The following VPS54 variants were observed in gnomAD, a reference collection of about 807,000 sequenced individuals.
VPS54 encodes VPS54 subunit of GARP complex.
VPS54 carries 45 observed loss-of-function variants against 121.5 expected under a neutral mutation model. That is an observed-to-expected ratio of 0.37 (90% CI 0.29 to 0.47). The LOEUF is 0.47. VPS54 is among the 20% of genes least tolerant of loss of function. The pLI, the probability that VPS54 is intolerant of heterozygous loss-of-function variation, is 0.99. For synonymous variants in VPS54, 371 were observed against 385.8 expected (o/e 0.96, Z 0.45); for missense variants, 1,090 against 1,131.4 (o/e 0.96, Z 0.52).
At chr2:63,898,534 A>G (rs1471772949) in intron 21 of VPS54, among the ~76,000 whole-genome samples, 1 of 152,112 alleles carries the variant, frequency 6.6e-6, no homozygotes, top group Non-Finnish European at 1.5e-5. Flanking sequence ...AGTTTGAGGT[A>G]GCATAGGAAA....
At chr2:63,923,176 C>T (rs551205072) in intron 12 of VPS54, among the ~76,000 whole-genome samples, 67 of 151,514 alleles carry the variant, frequency 4.4e-4, no homozygotes, top group African/African-American at 1.5e-3. Context: ...ATTAGCCAGG[C>T]GTGGTGGCAG....
intron 11 of VPS54, among the ~76,000 whole-genome samples, chr2:63,939,154 A>T (rs113928563): frequency 1.3e-5 from 2 of 152,254 alleles, no homozygotes; most frequent in African/African-American, 4.8e-5. Flanking sequence ...TGGGTGGATC[A>T]CAAGGTCAGG....
chr2:63,913,879 G>C, intron 17 of VPS54: 6 of 1,124,992 alleles, frequency 5.3e-6, no homozygotes, highest in Non-Finnish European at 6.5e-6. Context: ...CACATTTGAA[G>C]CCAGTCCAGG....
intron 1 of VPS54, among the ~76,000 whole-genome samples, chr2:63,991,164 T>C (rs945483535): frequency 6.6e-6 from 1 of 152,226 alleles, no homozygotes; most frequent in Non-Finnish European, 1.5e-5. Context: ...GTATGAGAGC[T>C]TGGGATAAAT....
intron 1 of VPS54, among the ~76,000 whole-genome samples, chr2:64,006,211 AAATG>A (rs774968445): frequency 1.1e-4 from 17 of 152,394 alleles, no homozygotes; most frequent in Middle Eastern, 3.4e-3. Context: ...ACGAATGAGC[AAATG>A]AATGAATATC....
In VPS54 at chr2:63,899,580, T is replaced by TA; in HGVS notation, c.2626dup (p.Tyr876LeufsTer2). 1 of 1,611,706 alleles carries TA rather than the reference T, an allele frequency of 6.2e-7. No homozygotes were observed. Among genetic ancestry groups the TA allele is most frequent in the Non-Finnish European group, 8.5e-7 (1 of 1,178,868 alleles). ...AGAAGGAACAGGAGCCTTCACTTCA[T>TA]ACTGGTAGGAAAAAATAATGAGAAT... On this transcript the variant is annotated frameshift_variant and splice_region_variant, in exon 21 of 23. Transcript: ENST00000272322. LOFTEE classifies it high-confidence loss of function.
chr2:63,999,469 G>A (rs528236877), intron 1 of VPS54, among the ~76,000 whole-genome samples: 167 of 152,208 alleles, frequency 1.1e-3, no homozygotes, highest in African/African-American at 3.9e-3. Context: ...CAGCCATATT[G>A]GAGCTCCATT....
chr2:63,968,928 G>C, intron 5 of VPS54, 29 bp downstream of exon 5: 1 of 1,578,978 alleles, frequency 6.3e-7, no homozygotes, highest in Non-Finnish European at 8.6e-7. Flanking sequence ...ATATTATAAG[G>C]CAATTTTCTC....
chr2:63,918,119 T>C (rs1353785739), intron 15 of VPS54, among the ~76,000 whole-genome samples: 1 of 151,806 alleles, frequency 6.6e-6, no homozygotes, highest in Non-Finnish European at 1.5e-5. Flanking sequence ...ACTAGTAAAA[T>C]GTTAATGGAC....
intron 20 of VPS54, among the ~76,000 whole-genome samples, chr2:63,905,659 G>GAATA (rs1483135258): frequency 6.6e-6 from 1 of 152,016 alleles, no homozygotes; most frequent in African/African-American, 2.4e-5. Flanking sequence ...ATAGGAGGAA[G>GAATA]AATACTGTCC....
intron 13 of VPS54, 130 bp downstream of exon 13, chr2:63,921,076 T>G (rs1029777982): frequency 3.1e-6 from 3 of 969,928 alleles, no homozygotes; most frequent in Admixed American, 3.1e-5. Flanking sequence ...ACCACATCAG[T>G]GGTAACACTG....
chr2:63,947,741 A>C (rs1266010927), intron 8 of VPS54, among the ~76,000 whole-genome samples: 1 of 152,200 alleles, frequency 6.6e-6, no homozygotes, highest in Non-Finnish European at 1.5e-5. Context: ...AAACAATACA[A>C]GGGTATTTTT....
chr2:63,975,838 C>T (rs1203040026), intron 3 of VPS54, among the ~76,000 whole-genome samples: 1 of 152,232 alleles, frequency 6.6e-6, no homozygotes, highest in East Asian at 1.9e-4. Context: ...AGCTGCCTAG[C>T]CAGCAGCAGG....
intron 22 of VPS54, among the ~76,000 whole-genome samples, chr2:63,896,081 TC>T (rs1035262575): frequency 6.6e-6 from 1 of 152,210 alleles, no homozygotes; most frequent in African/African-American, 2.4e-5. Context: ...TATTATCTTT[TC>T]AGGAGCAGGT....
chr2:63,941,387 G>C (rs1459204891), intron 11 of VPS54, among the ~76,000 whole-genome samples: 1 of 151,810 alleles, frequency 6.6e-6, no homozygotes, highest in Non-Finnish European at 1.5e-5. Flanking sequence ...ACTATGCTTG[G>C]CTAATTTAAA....
intron 9 of VPS54, among the ~76,000 whole-genome samples, chr2:63,946,814 T>C (rs1170651326): frequency 1.3e-5 from 2 of 152,034 alleles, no homozygotes; most frequent in African/African-American, 4.8e-5. Flanking sequence ...GGAGTATAAA[T>C]TGGCAAATCT....
Position 63,962,273 on chromosome 2 carries a change from T to G in VPS54, c.795A>C (p.Val265=). Residue 265 remains valine, a synonymous_variant, in exon 7 of 23, where the codon GTA becomes GTC. Coordinates refer to ENST00000272322, the MANE Select transcript of VPS54 (RefSeq NM_016516.3). ...LRDKIAQIDK[V]MCEGSLHILR... Reference sequence around the variant, plus strand: ...AAATGTGGAGTGATCCTTCACACATTACTTTATCAATCTGTGCAATTTTAT... The same window carrying G: ...AAATGTGGAGTGATCCTTCACACATGACTTTATCAATCTGTGCAATTTTAT... The G allele has an allele frequency of 6.2e-7, 1 of 1,614,104 alleles. No homozygotes were observed. Among genetic ancestry groups the G allele is most frequent in the South Asian group, 1.1e-5 (1 of 91,082 alleles).
chr2:63,952,765 G>C (rs1675313617), intron 7 of VPS54, among the ~76,000 whole-genome samples: 1 of 152,146 alleles, frequency 6.6e-6, no homozygotes, highest in East Asian at 1.9e-4. Flanking sequence ...ATTTCCACCA[G>C]TACAAACTAA....
chr2:63,959,960 C>T (rs747536093), intron 7 of VPS54, among the ~76,000 whole-genome samples: 5 of 152,044 alleles, frequency 3.3e-5, no homozygotes, highest in Non-Finnish European at 7.4e-5. Flanking sequence ...GAGGAGGTTG[C>T]AGTGAACCGA....
Sources: allele counts gnomAD v4.1 joint callset (sites outside exome capture counted in the v4.1 genomes callset), GRCh38; gene constraint gnomAD v4.1.1; transcripts MANE v1.5; gene names NCBI Gene and HGNC (gene_info 2026-07-23, HGNC 2026-07-21).